The following EDIL3 variants were observed in gnomAD, a reference collection of about 807,000 sequenced individuals.
The protein encoded by EDIL3 is EGF like and discoidin domains 3, also known as EGF-like repeat and discoidin I-like domain-containing protein 3.
A neutral mutation model predicts 67.4 loss-of-function variants in EDIL3; 37 were observed. The observed-to-expected ratio is 0.55, with a 90% CI of 0.42 to 0.72. The LOEUF (loss-of-function observed/expected upper bound fraction) is 0.72, where lower values mean the gene tolerates loss of function less well. EDIL3 is among the 30% of genes least tolerant of loss of function. EDIL3 has a pLI of 0.00. For synonymous variants in EDIL3, 195 were observed against 196.3 expected, an observed-to-expected ratio of 0.99 and a Z score of 0.05; for missense variants, 527 against 586.3, an observed-to-expected ratio of 0.90 and a Z score of 1.04.
chr5:84,250,149 G>A (rs1744994996), intron 2 of EDIL3, among the ~76,000 whole-genome samples: 1 of 152,186 alleles, frequency 6.6e-6, no homozygotes, highest in South Asian at 2.1e-4. Context: ...GTTAATCTGG[G>A]TAATGCCTTC....
At chr5:84,027,766 A>G (rs1001486185) in intron 9 of EDIL3, among the ~76,000 whole-genome samples, 7 of 152,114 alleles carry the variant, frequency 4.6e-5, no homozygotes, top group African/African-American at 7.2e-5. Context: ...TGTAATTAGT[A>G]TAAATGATAT....
chr5:84,344,132 G>GTTT (rs1327391909), intron 1 of EDIL3, among the ~76,000 whole-genome samples: 1 of 152,026 alleles, frequency 6.6e-6, no homozygotes, highest in Non-Finnish European at 1.5e-5. Context: ...TTAGAGGAAA[G>GTTT]GCACCCAGTA....
chr5:83,977,677 A>G (rs1392996005), intron 9 of EDIL3, among the ~76,000 whole-genome samples: 1 of 151,814 alleles, frequency 6.6e-6, no homozygotes, highest in Admixed American at 6.6e-5. Context: ...TACTATAACA[A>G]TTTTTACTAC....
At chr5:84,156,265 G>C in intron 4 of EDIL3, among the ~76,000 whole-genome samples, 1 of 152,148 alleles carries the variant, frequency 6.6e-6, no homozygotes, top group East Asian at 1.9e-4. Flanking sequence ...AGCTGTTCCA[G>C]AGTTCTTAAT....
intron 5 of EDIL3, among the ~76,000 whole-genome samples, chr5:84,111,844 A>G (rs963377812): frequency 6.6e-6 from 1 of 152,184 alleles, no homozygotes; most frequent in African/African-American, 2.4e-5. Context: ...GAACATTTTT[A>G]TATAATATGG....
At chr5:84,052,689 A>T (rs1051595796) in intron 9 of EDIL3, among the ~76,000 whole-genome samples, 10 of 152,238 alleles carry the variant, frequency 6.6e-5, no homozygotes, top group African/African-American at 2.2e-4. Context: ...CTTTAAACCA[A>T]CAAAGAGCAA....
chr5:84,220,865 A>C (rs980400547), intron 3 of EDIL3, among the ~76,000 whole-genome samples: 1 of 152,142 alleles, frequency 6.6e-6, no homozygotes, highest in Non-Finnish European at 1.5e-5. Flanking sequence ...AAGGATGCAT[A>C]TGGCCACAGT....
chr5:84,066,409 T>C, intron 7 of EDIL3, 42 bp downstream of exon 7: 1 of 1,543,920 alleles, frequency 6.5e-7, no homozygotes, highest in Non-Finnish European at 8.7e-7. Context: ...TAATTATCAA[T>C]GACATTTTTC....
At chr5:84,167,714 C>T (rs1408818084) in intron 4 of EDIL3, among the ~76,000 whole-genome samples, 1 of 151,998 alleles carries the variant, frequency 6.6e-6, no homozygotes, top group East Asian at 1.9e-4. Context: ...AGGCAAGTGG[C>T]CCAGTTATTT....
At chr5:83,959,656 A>G (rs970405421) in intron 10 of EDIL3, among the ~76,000 whole-genome samples, 5 of 150,914 alleles carry the variant, frequency 3.3e-5, no homozygotes, top group Admixed American at 6.6e-5. Flanking sequence ...TATGGAGAGT[A>G]ATCATGGAAA....
At position 84,263,076 on chromosome 5, in the gene EDIL3, T is replaced by A. The variant is rs112427403; in HGVS notation, c.68-8864A>T. Among the ~76,000 whole-genome samples the A allele has an allele frequency of 2.5e-3, 377 of 152,320 alleles. 1 individual carries two copies. Among genetic ancestry groups the A allele is most frequent in the African/African-American group, 8.4e-3 (351 of 41,570 alleles). On this transcript the variant is annotated intron_variant, in intron 1 of 10. Coordinates refer to ENST00000296591, the MANE Select transcript of EDIL3 (RefSeq NM_005711.5). ...CTATATGCCACTAAGTCATAATTACTGCACATATTATAGGGCCCATGATGG... is the reference window on the plus strand; with the variant it reads ...CTATATGCCACTAAGTCATAATTACAGCACATATTATAGGGCCCATGATGG...
In EDIL3 at chr5:84,082,367, C is replaced by G. The variant is rs77850046; in HGVS notation, c.652-15761G>C. 9.4e-3 allele frequency among the ~76,000 whole-genome samples: 1,437 copies of G among 152,228 alleles called. 14 individuals are homozygous for G. Among genetic ancestry groups the G allele is most frequent in the Non-Finnish European group, 0.013 (911 of 68,010 alleles). On this transcript the variant is annotated intron_variant, in intron 6 of 10. Transcript: ENST00000296591. ...AACTGTGATGTTCTTTATTTTTATGCACTGATGATAAAAGAAGTCTACAAA... is the reference window on the plus strand; with the variant it reads ...AACTGTGATGTTCTTTATTTTTATGGACTGATGATAAAAGAAGTCTACAAA...
At chr5:84,127,104 GTTTCAATT>G (rs1257912010) in intron 5 of EDIL3, among the ~76,000 whole-genome samples, 1 of 152,024 alleles carries the variant, frequency 6.6e-6, no homozygotes, top group Non-Finnish European at 1.5e-5. Flanking sequence ...AAGAGCTGCG[GTTTCAATT>G]TTTCGGGATT....
rs1580305782 is a variant in EDIL3, at chr5:84,060,476, C to G, written c.961G>C (p.Glu321Gln). The G allele has an allele frequency of 3.1e-6, 5 of 1,613,268 alleles. No individual in the cohort carries two copies. In the East Asian group the frequency reaches 1.1e-4, roughly 36 times the overall value. Residue 321 changes from glutamate (E) to glutamine (Q), a missense_variant, in exon 9 of 11, where the codon GAG becomes CAG. Coordinates refer to ENST00000296591, the MANE Select transcript of EDIL3 (RefSeq NM_005711.5). ...LLGCELSGCS[E>Q]PLGMKSGHIQ... ...TGTCCTGATTTCATACCCAGAGGCT[C>G]AGAACAACCTGAAAGAAAATGAGAA...
chr5:84,192,218 G>A (rs1743605324), intron 3 of EDIL3, among the ~76,000 whole-genome samples: 1 of 151,914 alleles, frequency 6.6e-6, no homozygotes. Context: ...TTGGGATAGT[G>A]TCCTAACTGA....
intron 3 of EDIL3, among the ~76,000 whole-genome samples, chr5:84,191,325 C>T (rs1743580826): frequency 6.6e-6 from 1 of 152,048 alleles, no homozygotes; most frequent in African/African-American, 2.4e-5. Context: ...AATCTGTCCT[C>T]CGTGACTGCC....
rs552698854 is a variant in EDIL3 at position 84,380,740 on chromosome 5, T to C, written c.67+3568A>G. Among the ~76,000 whole-genome samples, 683 of 152,248 alleles carry C rather than the reference T, an allele frequency of 4.5e-3. 2 individuals are homozygous for C. Among genetic ancestry groups the C allele is most frequent in the Middle Eastern group, 0.017 (5 of 294 alleles). On this transcript the variant is annotated intron_variant, in intron 1 of 10. Coordinates refer to ENST00000296591, the MANE Select transcript of EDIL3 (RefSeq NM_005711.5). Reference sequence around the variant, plus strand: ...GAAAAGTTTTAGCTAATTAAAACTTTATCTTGAAATTAATAAAATTAACAG... The same window carrying C: ...GAAAAGTTTTAGCTAATTAAAACTTCATCTTGAAATTAATAAAATTAACAG...
In EDIL3 at chr5:84,277,759, CA is replaced by C. The variant is rs1001208213; in HGVS notation, c.68-23548del. 2.5e-4 allele frequency among the ~76,000 whole-genome samples: 38 copies of C among 151,968 alleles called. 1 individual carries two copies. The highest frequency in any genetic ancestry group is 1.4e-3 in the Admixed American group (22 of 15,246). On this transcript the variant is annotated intron_variant, in intron 1 of 10. Transcript: ENST00000296591. ...CAGGGGCTTTGTAAAATATTTTTCT[CA>C]AAAAATTGAGCTAATAAAAATCAAA...
chr5:84,019,489 C>G (rs1360027314), intron 9 of EDIL3, among the ~76,000 whole-genome samples: 1 of 152,006 alleles, frequency 6.6e-6, no homozygotes, highest in East Asian at 1.9e-4. Context: ...CACATGTATA[C>G]ATATGTAACA....
Sources: gnomAD v4.1 joint callset for allele counts (sites outside exome capture counted in the v4.1 genomes callset) on GRCh38, gnomAD v4.1.1 for gene constraint, MANE v1.5 for transcripts, NCBI Gene and HGNC (gene_info 2026-07-23, HGNC 2026-07-21) for gene names.